Variants in VWCE observed in about 807,000 individuals in gnomAD.
The protein encoded by VWCE is von Willebrand factor C and EGF domains, also known as von Willebrand factor C and EGF domain-containing protein.
A neutral mutation model predicts 102.9 loss-of-function variants in VWCE; 68 were observed. That is an observed-to-expected ratio of 0.66 (90% CI 0.54 to 0.81). The LOEUF is 0.81. VWCE is among the 30% of genes least tolerant of loss of function. The pLI is 0.00. For missense variants in VWCE, 1,137 were observed against 1,263.6 expected (o/e 0.90, Z 1.52); for synonymous variants, 497 against 515.4 (o/e 0.96, Z 0.48).
At chr11:61,291,208 C>T in intron 3 of VWCE, 56 bp downstream of exon 3, 1 of 1,475,516 alleles carries the variant, frequency 6.8e-7, no homozygotes, top group South Asian at 1.4e-5. Flanking sequence ...CTGCCCAGGA[C>T]ATAACCTCAA....
chr11:61,273,817 A>C, intron 12 of VWCE: 1 of 158,832 alleles, frequency 6.3e-6, no homozygotes, highest in South Asian at 1.9e-4. Context: ...AGTCTCTATA[A>C]CTGACTGGCC....
chr11:61,278,313 A>G (rs1854993610), intron 10 of VWCE, 81 bp downstream of exon 10: 1 of 1,470,646 alleles, frequency 6.8e-7, no homozygotes, highest in Non-Finnish European at 9.5e-7. Flanking sequence ...CACCTTTAAC[A>G]TCCGGTCTTT....
At chr11:61,272,646 A>G (rs1476415621) in intron 13 of VWCE, among the ~76,000 whole-genome samples, 2 of 152,174 alleles carry the variant, frequency 1.3e-5, no homozygotes, top group Non-Finnish European at 2.9e-5. Context: ...ACACTCGTAC[A>G]CAGGCAAAGA....
chr11:61,269,970 T>G (rs1174797754), intron 14 of VWCE, among the ~76,000 whole-genome samples: 1 of 149,142 alleles, frequency 6.7e-6, no homozygotes, highest in Non-Finnish European at 1.5e-5. Flanking sequence ...CAGACTGGAG[T>G]GCAGTGGCTC....
chr11:61,265,952 G>A (rs951088765), intron 16 of VWCE, among the ~76,000 whole-genome samples: 3 of 152,068 alleles, frequency 2.0e-5, no homozygotes, highest in Admixed American at 6.6e-5. Flanking sequence ...AGGCTGAGAC[G>A]GGAGAATCGT....
At chr11:61,274,651 C>G in intron 11 of VWCE, 67 bp from the exon 12 acceptor site, 3 of 1,479,272 alleles carry the variant, frequency 2.0e-6, no homozygotes, top group South Asian at 2.3e-5. Context: ...AAGGGGGGAA[C>G]AAATGGGTAG....
intron 19 of VWCE, among the ~76,000 whole-genome samples, chr11:61,259,822 A>T (rs1390086077): frequency 6.6e-6 from 1 of 152,210 alleles, no homozygotes; most frequent in Non-Finnish European, 1.5e-5. Flanking sequence ...TGCTCTAAAA[A>T]ATAGTTTCTT....
intron 14 of VWCE, among the ~76,000 whole-genome samples, chr11:61,270,453 G>A (rs1467223450): frequency 1.3e-5 from 2 of 152,204 alleles, no homozygotes; most frequent in Non-Finnish European, 2.9e-5. Context: ...AGAAAGGAAA[G>A]CCAGCATGTA....
chr11:61,292,015 G>A (rs1855519358), intron 1 of VWCE, among the ~76,000 whole-genome samples: 1 of 152,158 alleles, frequency 6.6e-6, no homozygotes, highest in African/African-American at 2.4e-5. Flanking sequence ...TTGAGCCCAG[G>A]AGTTTGAGAC....
In VWCE at chr11:61,258,806, T is replaced by C. The variant is rs774277166; in HGVS notation, c.2737A>G (p.Ile913Val). The change falls in exon 20 of 20, where the codon ATC becomes GTC. Residue 913 changes from isoleucine (I) to valine (V), a missense_variant. Around this residue, in one of 5 missense-constraint regions of VWCE, gnomAD observed 316 missense variants for 319.3 expected, o/e 0.99. Coordinates refer to ENST00000335613, the MANE Select transcript of VWCE (RefSeq NM_152718.2). ...AGCACGCGAGGCCCGAGGAGGGTGA[T>C]GGGGGTCTTCGAGGGGCTGGGGTCC... ...MMDPSPSKTP[I>V]TLLGPRVLSP... is the part of the protein sequence containing the mutation. 1 of 1,503,448 alleles carries C rather than the reference T, an allele frequency of 6.7e-7. No homozygotes were observed. Among genetic ancestry groups the C allele is most frequent in the Admixed American group, 2.3e-5 (1 of 43,072 alleles). 93.1% of individuals were successfully genotyped at this position (1,503,448 alleles called of 1,614,324 possible).
At chr11:61,286,631 G>A (rs888267585) in intron 4 of VWCE, among the ~76,000 whole-genome samples, 10 of 151,886 alleles carry the variant, frequency 6.6e-5, no homozygotes, top group African/African-American at 7.3e-5. Context: ...GAGAAACCCC[G>A]TCTCTACTAA....
chr11:61,284,454 G>C (rs1457594833), intron 5 of VWCE, among the ~76,000 whole-genome samples: 1 of 152,260 alleles, frequency 6.6e-6, no homozygotes, highest in South Asian at 2.1e-4. Flanking sequence ...CATGGGGAGG[G>C]GCAAGGAGGG....
At chr11:61,293,129 T>C (rs979947994) in intron 1 of VWCE, among the ~76,000 whole-genome samples, 1 of 149,784 alleles carries the variant, frequency 6.7e-6, no homozygotes, top group African/African-American at 2.5e-5. Flanking sequence ...TAATCCCAGC[T>C]ACTTGGGAGG....
chr11:61,295,097 G>T lies in VWCE; in HGVS notation c.-60C>A, dbSNP rs1449754614. 5.3e-6 allele frequency: 6 copies of T among 1,127,190 alleles called. No individual in the cohort carries two copies. The highest frequency in any genetic ancestry group is 6.8e-6 in the Non-Finnish European group (6 of 877,080). 69.8% of individuals were successfully genotyped at this position (1,127,190 alleles called of 1,614,324 possible). On this transcript the variant is annotated 5_prime_UTR_variant, in exon 1 of 20. Coordinates refer to ENST00000335613, the MANE Select transcript of VWCE (RefSeq NM_152718.2). The surrounding 1 kb of genome is among the most constrained non-coding windows in gnomAD (Gnocchi z 4.6). ...GCTCCTGCGCCGCGCGCGGGAGAGG[G>T]GGCTGCCGGCCCTCGCCCCTCCTCC...
chr11:61,278,541 C>T lies in VWCE; in HGVS notation c.1325-65G>A, dbSNP rs185339839. ...TCAAAGAAGAGGAAACTTGAGGTCTCGCTGCTTCTCCATGCTTAATGTACC... is the reference window on the plus strand; with the variant it reads ...TCAAAGAAGAGGAAACTTGAGGTCTTGCTGCTTCTCCATGCTTAATGTACC... On this transcript the variant is annotated intron_variant, in intron 9 of 19. Coordinates refer to ENST00000335613, the MANE Select transcript of VWCE (RefSeq NM_152718.2). 292 of 1,460,296 alleles carry T rather than the reference C, an allele frequency of 2.0e-4. No individual in the cohort carries two copies. The African/African-American group carries it at 3.7e-3, about 19-fold the overall frequency. The allele number at this position is 1,460,296 out of a possible 1,614,324, so 90.5% of individuals were successfully genotyped here.
At chr11:61,288,111 C>G (rs1005735383) in intron 4 of VWCE, among the ~76,000 whole-genome samples, 2 of 142,180 alleles carry the variant, frequency 1.4e-5, no homozygotes, top group East Asian at 4.1e-4. Context: ...GAGCCGAGAT[C>G]GCACCACTGC....
At chr11:61,281,320 C>T in intron 7 of VWCE, 85 bp from the exon 8 acceptor site, 1 of 1,491,660 alleles carries the variant, frequency 6.7e-7, no homozygotes, top group East Asian at 2.3e-5. Flanking sequence ...GGCTCCACCA[C>T]CACAAGTCCC....
chr11:61,293,887 A>AG (rs922709737), intron 1 of VWCE, among the ~76,000 whole-genome samples: 16 of 152,192 alleles, frequency 1.1e-4, no homozygotes, highest in African/African-American at 1.9e-4. Context: ...CACAGAAGAA[A>AG]GGGGGGGCCC....
chr11:61,271,861 A>ATC lies in VWCE; in HGVS notation c.1700-103_1700-102dup, dbSNP rs560924753. The ATC allele has an allele frequency of 9.2e-3, 9,245 of 1,007,888 alleles. 72 individuals carry two copies. The highest frequency in any genetic ancestry group is 0.012 in the Non-Finnish European group (8,046 of 655,124). The allele number at this position is 1,007,888 out of a possible 1,614,324, so 62.4% of individuals were successfully genotyped here. On this transcript the variant is annotated intron_variant, in intron 13 of 19. Coordinates refer to ENST00000335613, the MANE Select transcript of VWCE (RefSeq NM_152718.2). ...CGCACAAACACACACAGACACCGAT[A>ATC]TCACTCACACACGGACACACAAACT...
Sources: allele counts gnomAD v4.1 joint callset (sites outside exome capture counted in the v4.1 genomes callset), GRCh38; gene constraint gnomAD v4.1.1; regional missense constraint gnomAD v4.1.1; non-coding constraint Gnocchi (gnomAD v3.1); transcripts MANE v1.5; gene names NCBI Gene and HGNC (gene_info 2026-07-23, HGNC 2026-07-21).